SYNDIG1: variants seen among roughly 807,000 people sequenced by gnomAD.
The protein encoded by SYNDIG1 is synapse differentiation-inducing gene protein 1.
In SYNDIG1, 9 loss-of-function variants were observed where a neutral mutation model predicts 19.4. That is an observed-to-expected ratio of 0.46 (90% confidence interval 0.28 to 0.81). The LOEUF is 0.81. Among genes scored for constraint, SYNDIG1 ranks in the 30% least tolerant of loss-of-function variants. The pLI is 0.12. For synonymous variants in SYNDIG1, 141 were observed against 145.9 expected (o/e 0.97, Z 0.24); for missense variants, 311 against 343.3 (o/e 0.91, Z 0.74).
intron 1 of SYNDIG1, among the ~76,000 whole-genome samples, chr20:24,531,093 A>G (rs1490898082): frequency 6.6e-6 from 1 of 152,112 alleles, no homozygotes; most frequent in African/African-American, 2.4e-5. Context: ...TACAGGTGTG[A>G]GCCACCGTGC....
At chr20:24,507,573 A>T (rs1247991550) in intron 1 of SYNDIG1, among the ~76,000 whole-genome samples, 1 of 152,164 alleles carries the variant, frequency 6.6e-6, no homozygotes, top group East Asian at 1.9e-4. Context: ...GGAGCCGTGA[A>T]TGTGGCCTGC....
intron 1 of SYNDIG1, among the ~76,000 whole-genome samples, chr20:24,523,951 C>A (rs1419810576): frequency 6.6e-6 from 1 of 152,190 alleles, no homozygotes; most frequent in Non-Finnish European, 1.5e-5. Flanking sequence ...CACTGCTTTC[C>A]CCTTATCCTC....
intron 1 of SYNDIG1, among the ~76,000 whole-genome samples, chr20:24,482,846 G>A (rs1398964970): frequency 6.6e-6 from 1 of 152,208 alleles, no homozygotes; most frequent in Non-Finnish European, 1.5e-5. Flanking sequence ...ACATTTGTGT[G>A]AATATGTTAT....
chr20:24,584,221 C>T lies in SYNDIG1; in HGVS notation c.481-635C>T, dbSNP rs911921660. ...ATCCTCTGCTCCTCAGGAAGCCACC[C>T]TCGTGCTCCAGGTGGAAATCAGGCC... On this transcript the variant is annotated intron_variant, in intron 2 of 3. Coordinates refer to ENST00000376862, the MANE Select transcript of SYNDIG1 (RefSeq NM_024893.3). Among the ~76,000 whole-genome samples, 8 of 152,264 alleles carry T rather than the reference C, an allele frequency of 5.3e-5. No homozygotes were observed. The East Asian group carries it at 1.5e-3, about 29-fold the overall frequency.
chr20:24,498,773 G>A (rs143030188), intron 1 of SYNDIG1, among the ~76,000 whole-genome samples: 13 of 152,292 alleles, frequency 8.5e-5, no homozygotes, highest in South Asian at 2.1e-4. Flanking sequence ...GTTGACCAGT[G>A]TTCCGTGGCA....
At chr20:24,578,682 G>T (rs767694398) in intron 2 of SYNDIG1, among the ~76,000 whole-genome samples, 10 of 152,150 alleles carry the variant, frequency 6.6e-5, no homozygotes, top group Non-Finnish European at 1.3e-4. Flanking sequence ...CTTAGGGGAC[G>T]GCAGGTGCAC....
chr20:24,583,075 C>G (rs1028393276), intron 2 of SYNDIG1, among the ~76,000 whole-genome samples: 1 of 152,244 alleles, frequency 6.6e-6, no homozygotes, highest in Non-Finnish European at 1.5e-5. Flanking sequence ...AGCCTCAGGT[C>G]TCACTGCAGC....
chr20:24,583,526 A>G (rs544723585), intron 2 of SYNDIG1, among the ~76,000 whole-genome samples: 53 of 152,348 alleles, frequency 3.5e-4, no homozygotes, highest in South Asian at 3.3e-3. Context: ...CCATCTTTGT[A>G]TAGGACAAAT....
chr20:24,470,845 C>T (rs768794166), intron 1 of SYNDIG1, among the ~76,000 whole-genome samples: 3 of 152,090 alleles, frequency 2.0e-5, no homozygotes, highest in South Asian at 2.1e-4. Flanking sequence ...AGTCCTCCTG[C>T]GACGTCAGAT....
intron 1 of SYNDIG1, among the ~76,000 whole-genome samples, chr20:24,494,427 G>A (rs894052824): frequency 1.3e-5 from 2 of 152,220 alleles, no homozygotes; most frequent in Non-Finnish European, 2.9e-5. Context: ...GAAGTGGGGC[G>A]TGACGAGCTC....
chr20:24,555,935 A>G (rs1600613314), intron 2 of SYNDIG1, among the ~76,000 whole-genome samples: 2 of 152,086 alleles, frequency 1.3e-5, no homozygotes, highest in Admixed American at 1.3e-4. Context: ...ATTGTGTGGG[A>G]GTCTAAGTCT....
intron 3 of SYNDIG1, among the ~76,000 whole-genome samples, chr20:24,626,439 G>A (rs2059136927): frequency 6.6e-6 from 1 of 151,964 alleles, no homozygotes; most frequent in Admixed American, 6.5e-5. Context: ...TCCTAGACGG[G>A]GCAGCAGGGC....
In SYNDIG1 at chr20:24,551,682, T is replaced by C. The variant is rs536097707; in HGVS notation, c.480+8105T>C. Reference sequence around the variant, plus strand: ...GTGTCCTGTAAATTTTGATTTGTTGTGTTTTAATTTTTATATAGTTGAAAA... The same window carrying C: ...GTGTCCTGTAAATTTTGATTTGTTGCGTTTTAATTTTTATATAGTTGAAAA... On this transcript the variant is annotated intron_variant, in intron 2 of 3. Coordinates refer to ENST00000376862, the MANE Select transcript of SYNDIG1 (RefSeq NM_024893.3). Among the ~76,000 whole-genome samples the C allele has an allele frequency of 3.0e-3, 451 of 152,300 alleles. 1 individual carries two copies. Among genetic ancestry groups the C allele is most frequent in the African/African-American group, 0.01 (434 of 41,582 alleles).
At chr20:24,641,447 T>C (rs2059376220) in intron 3 of SYNDIG1, among the ~76,000 whole-genome samples, 1 of 152,184 alleles carries the variant, frequency 6.6e-6, no homozygotes, top group Admixed American at 6.5e-5. Flanking sequence ...ACAGTATTGA[T>C]AATGGTACCT....
intron 3 of SYNDIG1, among the ~76,000 whole-genome samples, chr20:24,627,902 C>T (rs2059176780): frequency 2.0e-5 from 3 of 152,228 alleles, no homozygotes. Context: ...CGGAGATCCT[C>T]GGGCCGGAGA....
At position 24,572,866 on chromosome 20, in the gene SYNDIG1, G is replaced by A. The variant is rs567169204; in HGVS notation, c.481-11990G>A. Among the ~76,000 whole-genome samples, 60 of 152,242 alleles carry A rather than the reference G, an allele frequency of 3.9e-4. 1 individual carries two copies. In the South Asian group the frequency reaches 0.012, roughly 31 times the overall value. ...TGGAGGAAGGGTGAGATATACAGAGGAAAAATGGGGAAATCATTCTTGGTG... is the reference window on the plus strand; with the variant it reads ...TGGAGGAAGGGTGAGATATACAGAGAAAAAATGGGGAAATCATTCTTGGTG... On this transcript the variant is annotated intron_variant, in intron 2 of 3. Coordinates refer to ENST00000376862, the MANE Select transcript of SYNDIG1 (RefSeq NM_024893.3).
chr20:24,648,294 G>T (rs571744410), intron 3 of SYNDIG1, among the ~76,000 whole-genome samples: 2 of 152,228 alleles, frequency 1.3e-5, no homozygotes, highest in Admixed American at 1.3e-4. Flanking sequence ...AAGACAGGAG[G>T]TTTGTGGAGG....
At chr20:24,565,377 T>C (rs1444691631) in intron 2 of SYNDIG1, among the ~76,000 whole-genome samples, 1 of 152,096 alleles carries the variant, frequency 6.6e-6, no homozygotes, top group Non-Finnish European at 1.5e-5. Context: ...GCTTCAAGAA[T>C]CATTCAGCCG....
intron 1 of SYNDIG1, among the ~76,000 whole-genome samples, chr20:24,516,881 G>A (rs192773745): frequency 6.6e-5 from 10 of 152,252 alleles, no homozygotes; most frequent in Non-Finnish European, 8.8e-5. Flanking sequence ...AGTCACAATA[G>A]CAAAGATTTG....
Sources: gnomAD v4.1 joint callset for allele counts (sites outside exome capture counted in the v4.1 genomes callset) on GRCh38, gnomAD v4.1.1 for gene constraint, MANE v1.5 for transcripts, NCBI Gene and HGNC (gene_info 2026-07-23, HGNC 2026-07-21) for gene names.